The following MAF variants were observed in gnomAD, a reference collection of about 807,000 sequenced individuals.
The protein encoded by MAF is MAF bZIP transcription factor, also known as transcription factor Maf.
A neutral mutation model predicts 22.0 loss-of-function variants in MAF; 10 were observed. That is an observed-to-expected ratio of 0.45 (90% confidence interval 0.28 to 0.77). The LOEUF (loss-of-function observed/expected upper bound fraction) is 0.77, where lower values mean the gene tolerates loss of function less well. Ranked by LOEUF, MAF falls within the 30% of genes least tolerant of loss-of-function variation. The pLI is 0.12. For synonymous variants in MAF, 337 were observed against 255.8 expected (o/e 1.32, Z -3.03); for missense variants, 544 against 548.4 (o/e 0.99, Z 0.08).
At chr16:79,385,362 CT>C in the MAF span, among the ~76,000 whole-genome samples, 2 of 152,194 alleles carry the variant, frequency 1.3e-5, no homozygotes, top group Admixed American at 1.3e-4. Context: ...AATTTTGTCT[CT>C]GCCCGAGTGA....
At chr16:79,467,755 C>T in the MAF span, among the ~76,000 whole-genome samples, 1 of 152,156 alleles carries the variant, frequency 6.6e-6, no homozygotes, top group Admixed American at 6.5e-5. Context: ...AGTGTATGCT[C>T]AAGTTTGTGA....
chr16:79,295,370 G>C, the MAF span, among the ~76,000 whole-genome samples: 4 of 152,328 alleles, frequency 2.6e-5, no homozygotes, highest in Non-Finnish European at 5.9e-5. Context: ...GGTGGAAGAA[G>C]ATTTATGGAG....
chr16:79,208,296 C>G, the MAF span, among the ~76,000 whole-genome samples: 5 of 152,036 alleles, frequency 3.3e-5, no homozygotes, highest in African/African-American at 9.7e-5. Flanking sequence ...AACTCATTGC[C>G]ATTGCTGCGG....
At chr16:79,238,790 T>C in the MAF span, among the ~76,000 whole-genome samples, 1 of 152,118 alleles carries the variant, frequency 6.6e-6, no homozygotes, top group Non-Finnish European at 1.5e-5. Flanking sequence ...TTTTATTTGC[T>C]AAATCTGGTC....
At chr16:79,379,706 C>A in the MAF span, among the ~76,000 whole-genome samples, 1 of 152,102 alleles carries the variant, frequency 6.6e-6, no homozygotes, top group Admixed American at 6.5e-5. Flanking sequence ...TCTTTCTGCT[C>A]CACTTTTTGA....
the MAF span, among the ~76,000 whole-genome samples, chr16:79,409,173 C>G: frequency 6.6e-6 from 1 of 151,864 alleles, no homozygotes; most frequent in South Asian, 2.1e-4. Context: ...TTTTAGGCGC[C>G]TTATAAATTG....
the MAF span, among the ~76,000 whole-genome samples, chr16:79,485,603 G>A: frequency 6.6e-6 from 1 of 152,072 alleles, no homozygotes; most frequent in South Asian, 2.1e-4. Flanking sequence ...GACAATCTGA[G>A]ACAACAAAAG....
chr16:79,296,289 T>G, the MAF span, among the ~76,000 whole-genome samples: 1 of 152,146 alleles, frequency 6.6e-6, no homozygotes, highest in Non-Finnish European at 1.5e-5. Context: ...TTGGAAGGAT[T>G]AATCTTTTTA....
chr16:79,212,416 C>CT, the MAF span: 5 of 375,432 alleles, frequency 1.3e-5, 1 homozygote, highest in Non-Finnish European at 2.4e-5. Flanking sequence ...GACTCCTTTG[C>CT]TAATGCTATG....
the MAF span, among the ~76,000 whole-genome samples, chr16:79,402,224 G>A: frequency 6.6e-6 from 1 of 152,166 alleles, no homozygotes; most frequent in Non-Finnish European, 1.5e-5. Context: ...AAGCAAGTGA[G>A]GATTAAATAA....
At chr16:79,514,035 T>G in the MAF span, among the ~76,000 whole-genome samples, 18 of 152,326 alleles carry the variant, frequency 1.2e-4, no homozygotes, top group African/African-American at 3.6e-4. Flanking sequence ...CTGTTCTCAG[T>G]GTCTATTTTA....
At chr16:79,268,939 G>C in the MAF span, among the ~76,000 whole-genome samples, 2 of 152,190 alleles carry the variant, frequency 1.3e-5, no homozygotes, top group African/African-American at 4.8e-5. Context: ...TGGGAGTAAT[G>C]ATCAGGATCT....
At chr16:79,312,802 G>T in the MAF span, among the ~76,000 whole-genome samples, 1 of 152,144 alleles carries the variant, frequency 6.6e-6, no homozygotes, top group African/African-American at 2.4e-5. Flanking sequence ...AAGGGTATTT[G>T]ATGACTCAGA....
At chr16:79,289,640 G>C in the MAF span, among the ~76,000 whole-genome samples, 1 of 152,082 alleles carries the variant, frequency 6.6e-6, no homozygotes. Flanking sequence ...TGGTTATCAT[G>C]ACAGCTTTGC....
At chr16:79,293,210 T>G in the MAF span, among the ~76,000 whole-genome samples, 5 of 152,154 alleles carry the variant, frequency 3.3e-5, no homozygotes, top group Admixed American at 2.6e-4. Flanking sequence ...GATTCCTTTC[T>G]GGTAACAACA....
At chr16:79,327,314 G>T in the MAF span, among the ~76,000 whole-genome samples, 1 of 152,090 alleles carries the variant, frequency 6.6e-6, no homozygotes, top group Non-Finnish European at 1.5e-5. Context: ...CGTTTTCTGG[G>T]TAGTTCTCTC....
chr16:79,473,290 T>C, the MAF span, among the ~76,000 whole-genome samples: 29 of 152,226 alleles, frequency 1.9e-4, no homozygotes, highest in Non-Finnish European at 3.7e-4. Flanking sequence ...AGGAACTCTC[T>C]CAAGATGCCA....
At chr16:79,591,557 C>T (rs536361833), downstream of MAF, among the ~76,000 whole-genome samples, 5 of 152,248 alleles carry the variant, frequency 3.3e-5, no homozygotes, top group East Asian at 1.9e-4. Flanking sequence ...ATAGAGGCTA[C>T]GATTTGTGTA....
chr16:79,502,037 A>C, the MAF span, among the ~76,000 whole-genome samples: 1 of 152,212 alleles, frequency 6.6e-6, no homozygotes, highest in Non-Finnish European at 1.5e-5. Context: ...TTTCTTAATA[A>C]TTCTGAGGAT....
Sources: gnomAD v4.1 joint callset for allele counts (sites outside exome capture counted in the v4.1 genomes callset) on GRCh38, gnomAD v4.1.1 for gene constraint, MANE v1.5 for transcripts, NCBI Gene and HGNC (gene_info 2026-07-23, HGNC 2026-07-21) for gene names.